PODNL1: variants seen among roughly 807,000 people sequenced by gnomAD.
PODNL1 encodes podocan-like protein 1.
PODNL1 carries 50 observed loss-of-function variants against 45.1 expected under a neutral mutation model. That is an observed-to-expected ratio of 1.11 (90% confidence interval 0.88 to 1.40). PODNL1 has a LOEUF of 1.40. Among genes scored for constraint, PODNL1 ranks in the 40% most tolerant of loss-of-function variants. PODNL1 has a pLI of 0.00. For synonymous variants in PODNL1, 406 were observed against 372.5 expected (o/e 1.09, Z -1.04); for missense variants, 788 against 793.3 (o/e 0.99, Z 0.08).
In PODNL1 at chr19:13,938,331, G is replaced by A. The variant is rs1322135039; in HGVS notation, c.-150C>T. ...CCCCCCACAACAGCCTGTTCTCCCG[G>A]GGCTTTGGGGGAGCTGGCCCACCCC... is the stretch of plus-strand genomic sequence containing the variant. On this transcript the variant is annotated 5_prime_UTR_variant, in exon 1 of 10. Coordinates refer to ENST00000588872, the MANE Select transcript of PODNL1 (RefSeq NM_001370095.3). The A allele has an allele frequency of 2.1e-6, 3 of 1,426,690 alleles. No individual in the cohort carries two copies. The highest frequency in any genetic ancestry group is 2.6e-5 in the East Asian group (1 of 39,080). The allele number at this position is 1,426,690 out of a possible 1,614,324, so 88.4% of individuals were successfully genotyped here.
chr19:13,939,002 T>C (rs939747938), upstream of PODNL1, among the ~76,000 whole-genome samples: 4 of 152,116 alleles, frequency 2.6e-5, no homozygotes, highest in African/African-American at 9.7e-5. Context: ...TCCCAGGGCT[T>C]TGGCACCCGT....
At chr19:13,946,104 T>C (rs1229855724) in intron 1 of PODNL1, among the ~76,000 whole-genome samples, 3 of 152,054 alleles carry the variant, frequency 2.0e-5, no homozygotes, top group South Asian at 2.1e-4. Context: ...AGAAACACCA[T>C]CTTTCTACTG....
intron 1 of PODNL1, among the ~76,000 whole-genome samples, chr19:13,948,866 C>A (rs372768276): frequency 4.2e-4 from 63 of 149,210 alleles, no homozygotes; most frequent in African/African-American, 1.5e-3. Flanking sequence ...ATCACTTGAA[C>A]CTGGGAGGAG....
Position 13,937,870 on chromosome 19 carries a change from C to G in PODNL1, c.140G>C (p.Arg47Pro), listed in dbSNP as rs372332323. 5.7e-5 allele frequency: 91 copies of G among 1,587,440 alleles called. No individual in the cohort carries two copies. The highest frequency in any genetic ancestry group is 7.0e-5 in the Non-Finnish European group (82 of 1,168,468). Residue 47 changes from arginine to proline, a missense_variant, in exon 2 of 10, where the codon CGA (arginine) becomes CCA (proline). Coordinates refer to ENST00000588872, the MANE Select transcript of PODNL1 (RefSeq NM_001370095.3). ...RACPLRCSCPRVDTVDCDGLD... is the reference protein window; with the variant it reads ...RACPLRCSCPPVDTVDCDGLD... ...GCCATCACAGTCCACAGTGTCGACT[C>G]GGGGGCAGGAGCAGCGCAGGGGACA...
exon 1 of PODNL1, chr19:13,953,243 G>T (rs985798842): frequency 9.0e-7 from 1 of 1,106,120 alleles, no homozygotes. Context: ...CCAGAGCTGG[G>T]GGATGATGTC....
upstream of PODNL1, among the ~76,000 whole-genome samples, chr19:13,942,634 A>T (rs954184827): frequency 6.6e-6 from 1 of 152,172 alleles, no homozygotes; most frequent in African/African-American, 2.4e-5. Flanking sequence ...ATGTGGCCCC[A>T]GTGTCCAGCA....
At chr19:13,944,880 ATTC>A (rs1972766897) in intron 1 of PODNL1, among the ~76,000 whole-genome samples, 1 of 151,948 alleles carries the variant, frequency 6.6e-6, no homozygotes, top group African/African-American at 2.4e-5. Context: ...GGTTCAAGCA[ATTC>A]TTCTGTCTCA....
chr19:13,946,941 C>T (rs982489155), intron 1 of PODNL1, among the ~76,000 whole-genome samples: 1 of 150,046 alleles, frequency 6.7e-6, no homozygotes, highest in Non-Finnish European at 1.5e-5. Context: ...GTCCCAGCTA[C>T]TCGGGAGGCT....
At chr19:13,940,443 C>T (rs139806511), upstream of PODNL1, among the ~76,000 whole-genome samples, 398 of 149,972 alleles carry the variant, frequency 2.7e-3, 9 homozygotes, top group East Asian at 0.023. Context: ...TGGTGGTGCG[C>T]GCCTGTAGTC....
intron 1 of PODNL1, among the ~76,000 whole-genome samples, chr19:13,944,811 T>G (rs941479160): frequency 1.3e-5 from 2 of 151,954 alleles, no homozygotes; most frequent in Non-Finnish European, 2.9e-5. Context: ...AGTCTCACTC[T>G]GTCACCCAGG....
upstream of PODNL1, chr19:13,938,581 G>A: frequency 1.9e-6 from 1 of 536,936 alleles, no homozygotes; most frequent in Non-Finnish European, 2.4e-6. Flanking sequence ...AGGGATGGGG[G>A]GAGCTTCGGG....
intron 8 of PODNL1, chr19:13,932,593 C>T: frequency 2.2e-6 from 3 of 1,382,910 alleles, no homozygotes; most frequent in Non-Finnish European, 3.0e-6. Flanking sequence ...TAGCCTAAAG[C>T]GATTCTCCTG....
At chr19:13,947,636 A>G (rs1244657832) in intron 1 of PODNL1, among the ~76,000 whole-genome samples, 1 of 152,108 alleles carries the variant, frequency 6.6e-6, no homozygotes, top group African/African-American at 2.4e-5. Context: ...AGAAGGAAAA[A>G]CAGTCTGTTT....
chr19:13,953,177 C>T (rs1305243656), exon 1 of PODNL1: 10 of 1,513,536 alleles, frequency 6.6e-6, no homozygotes, highest in Admixed American at 2.2e-5. Flanking sequence ...GAGTCTTCCC[C>T]CGCAGAGTGA....
chr19:13,952,860 GC>G (rs1212821292), intron 1 of PODNL1, among the ~76,000 whole-genome samples: 2 of 135,628 alleles, frequency 1.5e-5, no homozygotes, highest in Non-Finnish European at 3.2e-5. Flanking sequence ...CGGGTGACCG[GC>G]AAAGGGGCTG....
chr19:13,934,281 C>A lies in PODNL1; in HGVS notation c.624G>T (p.Pro208=). 1 of 1,529,796 alleles carries A rather than the reference C, an allele frequency of 6.5e-7. No individual in the cohort carries two copies. 94.8% of individuals were successfully genotyped at this position (1,529,796 alleles called of 1,614,324 possible). The part of the protein sequence containing the change: ...NQLSYLPPSL[P]PSLERLHLQN... ...GCAGGTGGAGCCGCTCGAGTGAGGG[C>A]GGCAGGCTGGGCGGCAGGTAGCTGA... The change falls in exon 6 of 10, where the codon CCG becomes CCT. Residue 208 remains proline, a synonymous_variant. Coordinates refer to ENST00000588872, the MANE Select transcript of PODNL1 (RefSeq NM_001370095.3).
chr19:13,940,846 T>C (rs921860978), upstream of PODNL1, among the ~76,000 whole-genome samples: 4 of 152,120 alleles, frequency 2.6e-5, no homozygotes, highest in Non-Finnish European at 4.4e-5. Flanking sequence ...ATTGTGCTAC[T>C]GCACTCCAGT....
chr19:13,947,301 C>T (rs1020629367), intron 1 of PODNL1, among the ~76,000 whole-genome samples: 5 of 149,828 alleles, frequency 3.3e-5, no homozygotes, highest in Non-Finnish European at 5.9e-5. Flanking sequence ...GTCAACATGG[C>T]GAAACCCCGT....
chr19:13,952,403 CG>C, intron 1 of PODNL1: 1 of 1,216,752 alleles, frequency 8.2e-7, no homozygotes, highest in Non-Finnish European at 1.0e-6. Context: ...AGCGCGAGTG[CG>C]GGCTTTCGCC....
Sources: allele counts gnomAD v4.1 joint callset (sites outside exome capture counted in the v4.1 genomes callset), GRCh38; gene constraint gnomAD v4.1.1; transcripts MANE v1.5; gene names NCBI Gene and HGNC (gene_info 2026-07-23, HGNC 2026-07-21).